Variants in CADM2 observed in about 807,000 individuals in gnomAD.
The protein encoded by CADM2 is immunoglobulin superfamily member 4D.
Under a neutral mutation model 49.8 loss-of-function variants are expected in CADM2, and 12 were observed. The observed-to-expected ratio is 0.24, with a 90% CI of 0.15 to 0.39. CADM2 has a LOEUF of 0.39. CADM2 is among the 10% of genes least tolerant of loss of function. The probability of loss-of-function intolerance (pLI) is 1.00; values close to 1 mark genes in which losing one functional copy is unlikely to be tolerated. For missense variants in CADM2, 378 were observed against 492.3 expected (o/e 0.77, Z 2.20); for synonymous variants, 214 against 175.4 (o/e 1.22, Z -1.74).
chr3:85,147,342 G>A (rs1445172953), intron 1 of CADM2, among the ~76,000 whole-genome samples: 1 of 149,562 alleles, frequency 6.7e-6, no homozygotes, highest in African/African-American at 2.5e-5. Flanking sequence ...TTCCTTAGGG[G>A]ATGACCAGAT....
intron 8 of CADM2, among the ~76,000 whole-genome samples, chr3:85,974,065 CAT>C (rs760771885): frequency 1.8e-4 from 27 of 151,598 alleles, no homozygotes; most frequent in Non-Finnish European, 3.2e-4. Context: ...AAGACAAAAA[CAT>C]GTTAATTTAT....
chr3:85,756,647 A>G (rs1459396620), intron 2 of CADM2, among the ~76,000 whole-genome samples: 1 of 152,174 alleles, frequency 6.6e-6, no homozygotes, highest in African/African-American at 2.4e-5. Context: ...TGTAAATACC[A>G]TATTAAATAT....
rs148206550 is a variant in CADM2, at chr3:85,246,322, G to A, written c.61+286654G>A. ...GGGGTGGGGGAAGGGGGTAGGGAAAGCATTAGGAGATATACCTAATGTAAA... is the reference window on the plus strand; with the variant it reads ...GGGGTGGGGGAAGGGGGTAGGGAAAACATTAGGAGATATACCTAATGTAAA... On this transcript the variant is annotated intron_variant, in intron 1 of 9. Coordinates refer to ENST00000383699, the MANE Select transcript of CADM2 (RefSeq NM_001167675.2). Among the ~76,000 whole-genome samples the A allele has an allele frequency of 5.5e-3, 831 of 152,144 alleles. 6 individuals carry two copies. Among genetic ancestry groups the A allele is most frequent in the African/African-American group, 0.019 (790 of 41,480 alleles).
intron 1 of CADM2, among the ~76,000 whole-genome samples, chr3:85,503,233 AT>A (rs1164044419): frequency 2.0e-5 from 3 of 152,190 alleles, no homozygotes; most frequent in Non-Finnish European, 4.4e-5. Context: ...TTAAAGAAAT[AT>A]TTTGATTTCT....
chr3:85,951,523 T>A (rs1042946439), intron 7 of CADM2, among the ~76,000 whole-genome samples: 3 of 150,920 alleles, frequency 2.0e-5, no homozygotes, highest in African/African-American at 7.3e-5. Context: ...AGATGCAAAG[T>A]TTTTCAAACA....
chr3:85,354,962 C>T (rs1212875367), intron 1 of CADM2, among the ~76,000 whole-genome samples: 3 of 152,054 alleles, frequency 2.0e-5, no homozygotes, highest in Non-Finnish European at 4.4e-5. Flanking sequence ...TCACGGAAAC[C>T]CATGTCCAAA....
At chr3:85,501,897 T>G (rs1468085595) in intron 1 of CADM2, among the ~76,000 whole-genome samples, 1 of 152,160 alleles carries the variant, frequency 6.6e-6, no homozygotes, top group Non-Finnish European at 1.5e-5. Flanking sequence ...TCTCCTTTCT[T>G]GTCCTTAAGC....
intron 2 of CADM2, among the ~76,000 whole-genome samples, chr3:85,751,377 T>A (rs950581863): frequency 6.6e-6 from 1 of 152,188 alleles, no homozygotes; most frequent in Non-Finnish European, 1.5e-5. Context: ...CTTGGTATTA[T>A]TAGATGTCAT....
intron 1 of CADM2, among the ~76,000 whole-genome samples, chr3:85,487,528 G>A (rs773600767): frequency 6.6e-6 from 1 of 151,344 alleles, no homozygotes; most frequent in Non-Finnish European, 1.5e-5. Flanking sequence ...AGGAGAAGGA[G>A]GAAGTGGAGG....
intron 1 of CADM2, among the ~76,000 whole-genome samples, chr3:85,722,551 G>C (rs987762437): frequency 6.6e-6 from 1 of 152,124 alleles, no homozygotes; most frequent in Non-Finnish European, 1.5e-5. Context: ...TACCAGTAAT[G>C]TCCTTGCTAA....
chr3:84,971,670 A>G (rs2031451033), intron 1 of CADM2, among the ~76,000 whole-genome samples: 1 of 152,166 alleles, frequency 6.6e-6, no homozygotes, highest in Admixed American at 6.6e-5. Context: ...ACAAAGCAGA[A>G]CATATTATCC....
At chr3:85,026,712 A>T (rs1292680834) in intron 1 of CADM2, among the ~76,000 whole-genome samples, 1 of 152,218 alleles carries the variant, frequency 6.6e-6, no homozygotes, top group African/African-American at 2.4e-5. Flanking sequence ...TGAATATAGA[A>T]GTTACCCAGA....
At chr3:85,114,908 T>C (rs187453150) in intron 1 of CADM2, among the ~76,000 whole-genome samples, 1 of 152,288 alleles carries the variant, frequency 6.6e-6, no homozygotes, top group East Asian at 1.9e-4. Flanking sequence ...TCTTAGTTCA[T>C]ATATAGAAAT....
intron 1 of CADM2, among the ~76,000 whole-genome samples, chr3:85,454,329 AC>A: frequency 6.6e-6 from 1 of 151,984 alleles, no homozygotes; most frequent in Admixed American, 6.6e-5. Context: ...AGACTCAGTC[AC>A]AAAAATAAAA....
chr3:85,439,345 G>T (rs2037083123), intron 1 of CADM2, among the ~76,000 whole-genome samples: 1 of 150,816 alleles, frequency 6.6e-6, no homozygotes, highest in Admixed American at 6.6e-5. Context: ...TAGAGATGGG[G>T]TTTCACCATG....
chr3:85,120,232 G>A lies in CADM2; in HGVS notation c.61+160564G>A, dbSNP rs117068634. On this transcript the variant is annotated intron_variant, in intron 1 of 9. Transcript: ENST00000383699. The stretch of plus-strand genomic sequence containing the variant: ...AGAAATAAATGGTTTTACACTGTAG[G>A]TGGTAGTGTAAACTAGTTCAACCAT... 2.2e-3 allele frequency among the ~76,000 whole-genome samples: 340 copies of A among 152,270 alleles called. 8 individuals carry two copies. In the East Asian group the frequency reaches 0.063, roughly 28 times the overall value.
At chr3:85,154,100 A>G (rs1247322325) in intron 1 of CADM2, among the ~76,000 whole-genome samples, 1 of 152,252 alleles carries the variant, frequency 6.6e-6, no homozygotes, top group East Asian at 1.9e-4. Flanking sequence ...AATGACTTTG[A>G]TGAGCTGAGA....
chr3:85,844,707 C>A (rs987414278), intron 3 of CADM2, among the ~76,000 whole-genome samples: 1 of 152,064 alleles, frequency 6.6e-6, no homozygotes, highest in Admixed American at 6.6e-5. Context: ...CCTAATAATT[C>A]TTGATATTAG....
chr3:85,589,745 T>C (rs187780437), intron 1 of CADM2, among the ~76,000 whole-genome samples: 2 of 152,212 alleles, frequency 1.3e-5, no homozygotes, highest in Non-Finnish European at 2.9e-5. Context: ...ACAATTATAA[T>C]CATTGGCAAT....
Sources: allele counts gnomAD v4.1 joint callset (sites outside exome capture counted in the v4.1 genomes callset), GRCh38; gene constraint gnomAD v4.1.1; transcripts MANE v1.5; gene names NCBI Gene and HGNC (gene_info 2026-07-23, HGNC 2026-07-21).